The following CHMP7 variants were observed in gnomAD, a reference collection of about 807,000 sequenced individuals.
CHMP7 encodes the protein CHMP family, member 7.
Under a neutral mutation model 53.7 loss-of-function variants are expected in CHMP7, and 15 were observed. The observed-to-expected ratio is 0.28, with a 90% CI of 0.19 to 0.43. The LOEUF is 0.43. Among genes scored for constraint, CHMP7 ranks in the 20% least tolerant of loss-of-function variants. CHMP7 has a pLI of 1.00. For synonymous variants in CHMP7, 261 were observed against 228.0 expected, an observed-to-expected ratio of 1.14 and a Z score of -1.30; for missense variants, 527 against 569.4, an observed-to-expected ratio of 0.93 and a Z score of 0.76.
intron 9 of CHMP7, chr8:23,259,851 G>T: frequency 2.8e-6 from 1 of 359,032 alleles, no homozygotes; most frequent in South Asian, 3.4e-5. Flanking sequence ...TCTGTGCTGC[G>T]GCATTCCTCA....
At chr8:23,255,561 A>G in intron 4 of CHMP7, 129 bp downstream of exon 4, 1 of 749,036 alleles carries the variant, frequency 1.3e-6, no homozygotes. Context: ...GTCCAAAAAT[A>G]ATAAGTGGAA....
intron 4 of CHMP7, 102 bp downstream of exon 4, chr8:23,255,534 A>C (rs1585312327): frequency 5.8e-6 from 6 of 1,034,178 alleles, no homozygotes; most frequent in African/African-American, 1.6e-5. Context: ...AGTTTCAGTA[A>C]CCTGCCGTCA....
intron 3 of CHMP7, among the ~76,000 whole-genome samples, chr8:23,254,468 C>T (rs1219401402): frequency 1.3e-5 from 2 of 152,158 alleles, no homozygotes; most frequent in East Asian, 3.9e-4. Context: ...GATCTCGGCT[C>T]ACTGCAACCT....
chr8:23,258,879 G>A (rs4581063), intron 8 of CHMP7, 49 bp downstream of exon 8: 149,262 of 1,310,882 alleles, frequency 0.11, 9,227 homozygotes, highest in East Asian at 0.19. Flanking sequence ...GGTGACAGAG[G>A]ACAGATTTGA....
chr8:23,247,124 T>C, intron 2 of CHMP7, 130 bp downstream of exon 2: 1 of 894,888 alleles, frequency 1.1e-6, no homozygotes, highest in Non-Finnish European at 1.6e-6. Flanking sequence ...AGGCATCCAG[T>C]GTGTGTTCAG....
intron 3 of CHMP7, among the ~76,000 whole-genome samples, chr8:23,249,634 T>G (rs1801842705): frequency 6.6e-6 from 1 of 152,188 alleles, no homozygotes; most frequent in African/African-American, 2.4e-5. Context: ...TCTGTAGGGA[T>G]TAATGTTAAG....
rs1180646628 is a variant in CHMP7, at chr8:23,256,471, T to G, written c.669T>G (p.Phe223Leu). ...LEQNGEKIVK[F>L]ARGPRAKVSP... ...TCCCTGTCCCTCAGATTGTGAAGTT[T>G]GCCCGAGGGCCACGTGCCAAGGTCT... is the stretch of plus-strand genomic sequence containing the variant. The change falls in exon 5 of 11, where the codon TTT becomes TTG. Residue 223 changes from phenylalanine (F) to leucine (L), a missense_variant. Physicochemically the swap from Phe to Leu is conservative, Grantham distance 22. Transcript: ENST00000397677. The G allele has an allele frequency of 1.2e-6, 2 of 1,606,296 alleles. No individual in the cohort carries two copies. Among genetic ancestry groups the G allele is most frequent in the Non-Finnish European group, 1.7e-6 (2 of 1,172,944 alleles).
At chr8:23,260,346 C>A (rs1217537798) in intron 10 of CHMP7, 23 bp downstream of exon 10, 4 of 1,612,984 alleles carry the variant, frequency 2.5e-6, no homozygotes, top group South Asian at 1.1e-5. Context: ...TTTCCAAGGC[C>A]TTTGGAGGGC....
rs943430344 is a variant in CHMP7 at position 23,258,841 on chromosome 8, G to A, written c.1059+11G>A. 1.3e-6 allele frequency: 2 copies of A among 1,542,172 alleles called. No individual in the cohort carries two copies. The highest frequency in any genetic ancestry group is 9.0e-7 in the Non-Finnish European group (1 of 1,115,454). On this transcript the variant is annotated intron_variant, in intron 8 of 10. Transcript: ENST00000397677. Reference sequence around the variant, plus strand: ...GATCAGATCCAAGAGGTACAGAAAGGGGCCAGGGAGGGACACACAGAGAAG... The same window carrying A: ...GATCAGATCCAAGAGGTACAGAAAGAGGCCAGGGAGGGACACACAGAGAAG...
chr8:23,255,499 C>T lies in CHMP7; in HGVS notation c.657+67C>T, dbSNP rs761313590. 251 of 1,486,858 alleles carry T rather than the reference C, an allele frequency of 1.7e-4. No homozygotes were observed. The Middle Eastern group carries it at 4.3e-3, about 25-fold the overall frequency. The allele number at this position is 1,486,858 out of a possible 1,614,324, so 92.1% of individuals were successfully genotyped here. ...TGATTAAGTACATAGAGTAGTGAGCCCTTATCTCAGATTTTGGTTTCCAGA... is the reference window on the plus strand; with the variant it reads ...TGATTAAGTACATAGAGTAGTGAGCTCTTATCTCAGATTTTGGTTTCCAGA... On this transcript the variant is annotated intron_variant, in intron 4 of 10. Transcript: ENST00000397677.
chr8:23,256,885 T>G (rs1280476967), intron 5 of CHMP7, among the ~76,000 whole-genome samples: 1 of 147,102 alleles, frequency 6.8e-6, no homozygotes, highest in East Asian at 2.1e-4. Flanking sequence ...CTCCGCCTCC[T>G]GGGTTCACGC....
At position 23,246,399 on chromosome 8, in the gene CHMP7, G is replaced by A. The variant is rs1038443706; in HGVS notation, c.-297G>A. On this transcript the variant is annotated 5_prime_UTR_variant, in exon 2 of 11. Transcript: ENST00000397677. Reference sequence around the variant, plus strand: ...CAGAATCTTGAAGGAGACGTAAGGTGCAGCCACCTGCCGCGCAGGCGCAAG... The same window carrying A: ...CAGAATCTTGAAGGAGACGTAAGGTACAGCCACCTGCCGCGCAGGCGCAAG... 2 of 443,304 alleles carry A rather than the reference G, an allele frequency of 4.5e-6. No individual in the cohort carries two copies. The highest frequency in any genetic ancestry group is 8.6e-5 in the East Asian group (2 of 23,240). The allele number at this position is 443,304 out of a possible 1,614,324, so 27.5% of individuals were successfully genotyped here.
intron 2 of CHMP7, among the ~76,000 whole-genome samples, chr8:23,247,793 G>A (rs1292008440): frequency 6.6e-6 from 1 of 152,102 alleles, no homozygotes; most frequent in African/African-American, 2.4e-5. Context: ...TACCGGGACT[G>A]GATCCCTGGT....
chr8:23,251,441 T>A (rs1247893529), intron 3 of CHMP7, among the ~76,000 whole-genome samples: 1 of 152,236 alleles, frequency 6.6e-6, no homozygotes, highest in Non-Finnish European at 1.5e-5. Flanking sequence ...CCTTAATGGC[T>A]TTGTCAACTC....
chr8:23,251,783 G>T (rs1801940021), intron 3 of CHMP7, among the ~76,000 whole-genome samples: 1 of 152,134 alleles, frequency 6.6e-6, no homozygotes, highest in South Asian at 2.1e-4. Context: ...TTATGCAACA[G>T]GTGCTCCGCA....
chr8:23,252,522 G>A (rs1801973704), intron 3 of CHMP7: 1 of 152,112 alleles, frequency 6.6e-6, no homozygotes, highest in Non-Finnish European at 1.5e-5. Context: ...TATTCTTTAT[G>A]TGTTAGAGAT....
Position 23,258,775 on chromosome 8 carries a change from C to G in CHMP7, c.1004C>G (p.Ser335Cys). 1 of 1,613,770 alleles carries G rather than the reference C, an allele frequency of 6.2e-7. No homozygotes were observed. Among genetic ancestry groups the G allele is most frequent in the Non-Finnish European group, 8.5e-7 (1 of 1,179,796 alleles). Residue 335 changes from serine (S) to cysteine (C), a missense_variant, in exon 8 of 11, where the codon TCC becomes TGC. Transcript: ENST00000397677. ...YQAGVGALKL[S>C]MKDVTVEKAE... The stretch of plus-strand genomic sequence containing the variant: ...GCTGGGGTAGGAGCACTCAAACTCT[C>G]CATGAAGGATGTCACAGTGGAGAAG...
Position 23,246,900 on chromosome 8 carries a change from G to A in CHMP7, c.205G>A (p.Val69Met). 2 of 1,582,338 alleles carry A rather than the reference G, an allele frequency of 1.3e-6. No homozygotes were observed. Among genetic ancestry groups the A allele is most frequent in the African/African-American group, 2.7e-5 (2 of 74,458 alleles). ...GCTGAGCCACAGCCGCCGCCAGGGG[G>A]TGGTGCGCCTGCGTCTGCGGGACTT... ...LVLSHSRRQG[V>M]VRLRLRDLQE... The change falls in exon 2 of 11, where the codon GTG becomes ATG. Residue 69 changes from valine (V) to methionine (M), a missense_variant. Val to Met is a conservative substitution (Grantham distance 21). Transcript: ENST00000397677.
Position 23,249,245 on chromosome 8 carries a change from C to T in CHMP7, c.335C>T (p.Ala112Val). 3 of 1,604,536 alleles carry T rather than the reference C, an allele frequency of 1.9e-6. No homozygotes were observed. The South Asian group carries it at 3.3e-5, about 18-fold the overall frequency. The change falls in exon 3 of 11, where the codon GCC (alanine) becomes GTC (valine). Residue 112 changes from alanine to valine, a missense_variant. By Grantham distance (64) the Ala-to-Val change is moderately conservative (BLOSUM62 0). Transcript: ENST00000397677. ...CTGCAGCGGGAGTCAGACTTCATGG[C>T]CAGTGTAGACAGCAGCTGGATCTCC... ...GELQRESDFM[A>V]SVDSSWISWG...
Sources: allele counts gnomAD v4.1 joint callset (sites outside exome capture counted in the v4.1 genomes callset), GRCh38; gene constraint gnomAD v4.1.1; transcripts MANE v1.5; gene names NCBI Gene and HGNC (gene_info 2026-07-23, HGNC 2026-07-21).